Variants in SNX8 observed in about 807,000 individuals in gnomAD.
SNX8 encodes the protein sorting nexin-8.
SNX8 carries 25 observed loss-of-function variants against 51.6 expected under a neutral mutation model. The observed-to-expected ratio is 0.48, with a 90% CI of 0.35 to 0.68. The LOEUF is 0.68. Among genes scored for constraint, SNX8 ranks in the 30% least tolerant of loss-of-function variants. SNX8 has a pLI of 0.00. For missense variants in SNX8, 695 were observed against 624.0 expected (o/e 1.11, Z -1.21); for synonymous variants, 324 against 277.0 (o/e 1.17, Z -1.68).
At chr7:2,258,461 G>A (rs898539387) in intron 7 of SNX8, among the ~76,000 whole-genome samples, 1 of 152,068 alleles carries the variant, frequency 6.6e-6, no homozygotes, top group Non-Finnish European at 1.5e-5. Context: ...AGAGCCAGAT[G>A]CCCCAGACCC....
intron 1 of SNX8, among the ~76,000 whole-genome samples, chr7:2,328,801 A>AGTTAG (rs1373758156): frequency 8.7e-6 from 1 of 114,342 alleles, no homozygotes; most frequent in Non-Finnish European, 1.8e-5. Context: ...AATACCAAAA[A>AGTTAG]CTCGCCAGGC....
At chr7:2,305,829 C>T (rs1796532289) in intron 1 of SNX8, among the ~76,000 whole-genome samples, 1 of 151,896 alleles carries the variant, frequency 6.6e-6, no homozygotes, top group Admixed American at 6.6e-5. Flanking sequence ...ACCAGTAATC[C>T]CAGCACTTTG....
intron 5 of SNX8, among the ~76,000 whole-genome samples, chr7:2,268,125 GC>G (rs1296712396): frequency 2.8e-5 from 4 of 140,496 alleles, no homozygotes; most frequent in South Asian, 2.4e-4. Context: ...GGGGGGGTCA[GC>G]CCCCCGCCTG....
intron 1 of SNX8, among the ~76,000 whole-genome samples, chr7:2,345,786 G>C (rs546667416): frequency 6.6e-6 from 1 of 151,960 alleles, no homozygotes; most frequent in Admixed American, 6.6e-5. Flanking sequence ...AGAGGATACT[G>C]GGCAAAGGGT....
At position 2,255,024 on chromosome 7, in the gene SNX8, G is replaced by T. The variant is rs183491533; in HGVS notation, c.*32C>A. ...ACCGTTTGGAAAGAGGTTTTAGTGC[G>T]GCCGCAGGGAGCACCACCTCAGCCT... On this transcript the variant is annotated 3_prime_UTR_variant, in exon 11 of 11. Transcript: ENST00000222990. The T allele has an allele frequency of 1.4e-4, 199 of 1,398,114 alleles. 1 individual carries two copies. The African/African-American group carries it at 2.6e-3, about 18-fold the overall frequency. The allele number at this position is 1,398,114 out of a possible 1,614,324, so 86.6% of individuals were successfully genotyped here.
Position 2,330,957 on chromosome 7 carries a change from G to C in SNX8, c.-66+23265C>G, listed in dbSNP as rs565551032. 7.9e-5 allele frequency among the ~76,000 whole-genome samples: 12 copies of C among 152,136 alleles called. No individual in the cohort carries two copies. In the East Asian group the frequency reaches 2.3e-3, roughly 29 times the overall value. On this transcript the variant is annotated intron_variant, in intron 1 of 5. Transcript: ENST00000435336. ...CCCAAAACTTTGGGAGGCCGAGGCA[G>C]GTGGGTCACTTGAGGTCAGGAATTC...
intron 1 of SNX8, among the ~76,000 whole-genome samples, chr7:2,347,035 C>A (rs78598406): frequency 0.021 from 3,240 of 151,924 alleles, 128 homozygotes; most frequent in African/African-American, 0.074. Context: ...GGCAGAAAGT[C>A]AAATAAGTCT....
rs141196251 is a variant in SNX8 at position 2,254,558 on chromosome 7, G to A, written c.*498C>T. ...TTTCCCTAGAAAATTCACCGTGCGT[G>A]CCCCACGCCCAATGGCCCTCCCTCC... On this transcript the variant is annotated 3_prime_UTR_variant, in exon 11 of 11. Transcript: ENST00000222990. 9 of 176,848 alleles carry A rather than the reference G, an allele frequency of 5.1e-5. No homozygotes were observed. Among genetic ancestry groups the A allele is most frequent in the Non-Finnish European group, 7.3e-5 (6 of 82,314 alleles). 11.0% of individuals were successfully genotyped at this position (176,848 alleles called of 1,614,324 possible). A position where few individuals can be genotyped will look rare whatever the true frequency, so the allele number is the denominator to read the frequency against.
intron 1 of SNX8, among the ~76,000 whole-genome samples, chr7:2,320,785 C>T (rs1562456962): frequency 6.6e-6 from 1 of 152,002 alleles, no homozygotes; most frequent in Non-Finnish European, 1.5e-5. Context: ...ATTTGGGAGG[C>T]CGAGGCGGGC....
At chr7:2,255,915 C>A (rs1209399696) in intron 10 of SNX8, among the ~76,000 whole-genome samples, 1 of 152,214 alleles carries the variant, frequency 6.6e-6, no homozygotes, top group African/African-American at 2.4e-5. Context: ...CAGAGAAGGG[C>A]AGGGCGCACC....
chr7:2,316,808 C>G (rs1206809452), upstream of SNX8, among the ~76,000 whole-genome samples: 1 of 152,226 alleles, frequency 6.6e-6, no homozygotes, highest in Non-Finnish European at 1.5e-5. Context: ...CACTCACTCA[C>G]TGCATCCTGC....
rs561231270 is a variant in SNX8, at chr7:2,258,369, G to A, written c.916-566C>T. On this transcript the variant is annotated intron_variant, in intron 7 of 10. Coordinates refer to ENST00000222990, the MANE Select transcript of SNX8 (RefSeq NM_013321.4). ...CTGCGTTCCCGCGGGACAGCTGCCC[G>A]CCCTCCTGCTCATCAGCCCGGCCTG... 2.8e-4 allele frequency among the ~76,000 whole-genome samples: 42 copies of A among 152,244 alleles called. 1 individual carries two copies. In the South Asian group the frequency reaches 8.3e-3, roughly 30 times the overall value.
At chr7:2,271,106 C>T (rs1022886082) in intron 4 of SNX8, among the ~76,000 whole-genome samples, 3 of 152,188 alleles carry the variant, frequency 2.0e-5, no homozygotes, top group Non-Finnish European at 4.4e-5. Context: ...TGCAGTGGCA[C>T]AATCACAGCT....
At chr7:2,272,975 A>T (rs559272356) in intron 3 of SNX8, among the ~76,000 whole-genome samples, 4 of 151,972 alleles carry the variant, frequency 2.6e-5, no homozygotes, top group South Asian at 4.2e-4. Context: ...CTGGGATTAC[A>T]GGCACCCGCC....
chr7:2,304,531 G>C (rs796228428), intron 1 of SNX8, among the ~76,000 whole-genome samples: 1 of 151,466 alleles, frequency 6.6e-6, no homozygotes, highest in Non-Finnish European at 1.5e-5. Context: ...GCGACAGAGC[G>C]AGACTCCATC....
chr7:2,263,339 G>A lies in SNX8; in HGVS notation c.806C>T (p.Pro269Leu), dbSNP rs762174604. Reference sequence around the variant, plus strand: ...ATTCAGAGCGGCCCAGGAGGGCAGCGGGGTCGTGTCAGACCCTATTGCACT... The same window carrying A: ...ATTCAGAGCGGCCCAGGAGGGCAGCAGGGTCGTGTCAGACCCTATTGCACT... ...ELSAIGSDTT[P>L]LPSWAALNSS... Residue 269 changes from proline (P) to leucine (L), a missense_variant, in exon 7 of 11, where the codon CCG (proline) becomes CTG (leucine). By Grantham distance (98) the Pro-to-Leu change is moderately conservative. Transcript: ENST00000222990. The A allele has an allele frequency of 1.8e-5, 29 of 1,609,100 alleles. No homozygotes were observed. Among genetic ancestry groups the A allele is most frequent in the Middle Eastern group, 3.3e-4 (2 of 6,054 alleles).
At chr7:2,257,242 C>A (rs541335397) in intron 9 of SNX8, 123 bp downstream of exon 9, 2 of 1,263,958 alleles carry the variant, frequency 1.6e-6, no homozygotes, top group Middle Eastern at 2.7e-4. Context: ...CTCCACTGCA[C>A]CCCCAGCTCT....
At chr7:2,342,563 G>A (rs1778952037) in intron 1 of SNX8, among the ~76,000 whole-genome samples, 1 of 150,768 alleles carries the variant, frequency 6.6e-6, no homozygotes, top group Non-Finnish European at 1.5e-5. Flanking sequence ...CCTGAAGCAG[G>A]AGAATTGCTT....
chr7:2,278,245 C>T lies in SNX8; in HGVS notation c.155G>A (p.Ser52Asn). 1 of 1,610,582 alleles carries T rather than the reference C, an allele frequency of 6.2e-7. No homozygotes were observed. The highest frequency in any genetic ancestry group is 8.5e-7 in the Non-Finnish European group (1 of 1,177,552). The change falls in exon 2 of 11, where the codon AGT becomes AAT. Residue 52 changes from serine to asparagine, a missense_variant. Ser to Asn is a conservative substitution (Grantham distance 46). Transcript: ENST00000222990. The part of the protein sequence containing the change: ...QAIVQQVPAP[S>N]RMQMPQGNPL... Reference sequence around the variant, plus strand: ...GTTCCCCTGCGGCATCTGCATTCGACTGGGGGCTGGGACCTGCTGCACGAT... The same window carrying T: ...GTTCCCCTGCGGCATCTGCATTCGATTGGGGGCTGGGACCTGCTGCACGAT...
Sources: gnomAD v4.1 joint callset for allele counts (sites outside exome capture counted in the v4.1 genomes callset) on GRCh38, gnomAD v4.1.1 for gene constraint, MANE v1.5 for transcripts, NCBI Gene and HGNC (gene_info 2026-07-23, HGNC 2026-07-21) for gene names.